The following FOXP1 variants were observed in gnomAD, a reference collection of about 807,000 sequenced individuals.
The protein encoded by FOXP1 is forkhead box protein P1.
FOXP1 carries 15 observed loss-of-function variants against 98.2 expected under a neutral mutation model. The observed-to-expected ratio is 0.15, with a 90% CI of 0.10 to 0.24. The LOEUF (loss-of-function observed/expected upper bound fraction) is 0.24, where lower values mean the gene tolerates loss of function less well. Ranked by LOEUF, FOXP1 falls within the 10% of genes least tolerant of loss-of-function variation. The probability of loss-of-function intolerance (pLI) is 1.00; values close to 1 mark genes in which losing one functional copy is unlikely to be tolerated. For synonymous variants in FOXP1, 371 were observed against 314.5 expected (o/e 1.18, Z -1.90); for missense variants, 633 against 848.5 (o/e 0.75, Z 3.15).
At chr3:71,032,645 G>A (rs9822461) in intron 11 of FOXP1, among the ~76,000 whole-genome samples, 37,708 of 152,110 alleles carry the variant, frequency 0.25, 11,213 homozygotes, top group African/African-American at 0.72. Flanking sequence ...TAGCTCCCTC[G>A]GAAAGACCTA....
intron 14 of FOXP1, among the ~76,000 whole-genome samples, chr3:70,987,237 C>T (rs556390539): frequency 2.2e-4 from 33 of 152,216 alleles, no homozygotes; most frequent in African/African-American, 3.6e-4. Flanking sequence ...GGAATATGAC[C>T]GTTAAAGAGA....
In FOXP1 at chr3:71,377,361, G is replaced by C. The variant is rs192570785; in HGVS notation, c.-167-18117C>G. On this transcript the variant is annotated intron_variant, in intron 3 of 20. Transcript: ENST00000649528. ...CTTGGAAATATTTTTTATTTAATCA[G>C]GTATATAAATATCATGTAAAGGAAA... 1.2e-3 allele frequency among the ~76,000 whole-genome samples: 177 copies of C among 152,102 alleles called. 2 individuals are homozygous for C. The highest frequency in any genetic ancestry group is 4.6e-3 in the Admixed American group (71 of 15,272).
intron 6 of FOXP1, among the ~76,000 whole-genome samples, chr3:71,124,141 T>TA (rs1435877279): frequency 1.8e-4 from 21 of 114,674 alleles, no homozygotes; most frequent in African/African-American, 4.9e-4. Flanking sequence ...TTATATTTTT[T>TA]TAAAAAAAAA....
intron 5 of FOXP1, among the ~76,000 whole-genome samples, chr3:71,237,092 C>T (rs1897498): frequency 2.7e-5 from 4 of 149,834 alleles, no homozygotes; most frequent in Non-Finnish European, 5.9e-5. Flanking sequence ...ATTAGCCAGG[C>T]GTGGTGGTGC....
chr3:71,200,781 A>G (rs543732451), intron 5 of FOXP1, among the ~76,000 whole-genome samples: 39 of 152,350 alleles, frequency 2.6e-4, no homozygotes, highest in South Asian at 8.3e-4. Context: ...GGAAATTTCA[A>G]TCTTTGGGTA....
chr3:71,380,943 A>G (rs2080111180), intron 3 of FOXP1, among the ~76,000 whole-genome samples: 1 of 152,174 alleles, frequency 6.6e-6, no homozygotes, highest in Non-Finnish European at 1.5e-5. Context: ...ACATGCTAGT[A>G]AAACGTAAAA....
At chr3:71,581,362 G>A (rs1257037636) in intron 2 of FOXP1, 187 bp downstream of exon 2, 1 of 985,342 alleles carries the variant, frequency 1.0e-6, no homozygotes, top group African/African-American at 1.7e-5. Flanking sequence ...GGGGAAAAGG[G>A]TGGAGGGGAG....
intron 9 of FOXP1, among the ~76,000 whole-genome samples, chr3:71,051,398 A>G (rs2049871536): frequency 6.6e-6 from 1 of 152,158 alleles, no homozygotes; most frequent in South Asian, 2.1e-4. Flanking sequence ...AGGACATGGA[A>G]AACGTCCCCA....
chr3:71,500,942 A>G (rs1577872601), intron 2 of FOXP1, among the ~76,000 whole-genome samples: 1 of 152,200 alleles, frequency 6.6e-6, no homozygotes, highest in East Asian at 1.9e-4. Context: ...CGTTAATTTC[A>G]GCACTTTGGG....
intron 5 of FOXP1, among the ~76,000 whole-genome samples, chr3:71,235,762 T>C (rs2066716816): frequency 6.6e-6 from 1 of 152,090 alleles, no homozygotes. Context: ...GAGATGGGGT[T>C]TCACCGTGTT....
chr3:71,025,609 G>T lies in FOXP1; in HGVS notation c.870-9956C>A, dbSNP rs117763213. Among the ~76,000 whole-genome samples the T allele has an allele frequency of 2.0e-5, 3 of 152,272 alleles. No individual in the cohort carries two copies. The East Asian group carries it at 5.8e-4, about 29-fold the overall frequency. On this transcript the variant is annotated intron_variant, in intron 11 of 20. Transcript: ENST00000649528. ...AAAATTATTTAAAAATTAATGCAAG[G>T]CTGTATTTCTTTTTTGTTTTTTAAA...
At chr3:71,126,255 C>T (rs566010901) in intron 6 of FOXP1, among the ~76,000 whole-genome samples, 133 of 151,856 alleles carry the variant, frequency 8.8e-4, no homozygotes, top group African/African-American at 2.9e-3. Flanking sequence ...GAGGCCAAGG[C>T]GGGCGGATCA....
chr3:71,432,868 T>TAA (rs1047638258), intron 3 of FOXP1, among the ~76,000 whole-genome samples: 1 of 139,040 alleles, frequency 7.2e-6, no homozygotes. Context: ...AAAAAAAAAT[T>TAA]AAAAAAAAAA....
intron 16 of FOXP1, among the ~76,000 whole-genome samples, chr3:70,977,371 G>T (rs769276740): frequency 7.9e-5 from 12 of 152,112 alleles, no homozygotes; most frequent in Non-Finnish European, 1.6e-4. Context: ...TAATTCTAGG[G>T]ATCAGAGATT....
intron 4 of FOXP1, among the ~76,000 whole-genome samples, chr3:71,342,202 T>C (rs199942408): frequency 1.3e-5 from 2 of 152,236 alleles, no homozygotes; most frequent in East Asian, 3.8e-4. Flanking sequence ...TTACAAATCA[T>C]TTCATAAATC....
intron 6 of FOXP1, among the ~76,000 whole-genome samples, chr3:71,169,228 C>G (rs2061529443): frequency 6.6e-6 from 1 of 152,188 alleles, no homozygotes; most frequent in Non-Finnish European, 1.5e-5. Context: ...CTTGCTAACA[C>G]AATTCCTGTG....
At chr3:71,191,774 C>T (rs1302081794) in intron 6 of FOXP1, among the ~76,000 whole-genome samples, 1 of 152,128 alleles carries the variant, frequency 6.6e-6, no homozygotes, top group Non-Finnish European at 1.5e-5. Flanking sequence ...AGTGTTGTGG[C>T]TGCTTTTTCT....
chr3:71,014,819 G>A (rs184207387), intron 12 of FOXP1, among the ~76,000 whole-genome samples: 20,021 of 152,032 alleles, frequency 0.13, 2,168 homozygotes, highest in African/African-American at 0.3. Flanking sequence ...CCATAAAAAA[G>A]GATGAGTTCA....
chr3:71,088,105 G>T (rs2055339168), intron 7 of FOXP1, among the ~76,000 whole-genome samples: 1 of 152,230 alleles, frequency 6.6e-6, no homozygotes, highest in South Asian at 2.1e-4. Context: ...GAACCAAGAT[G>T]CTGGGGAATA....
Sources: allele counts gnomAD v4.1 joint callset (sites outside exome capture counted in the v4.1 genomes callset), GRCh38; gene constraint gnomAD v4.1.1; transcripts MANE v1.5; gene names NCBI Gene and HGNC (gene_info 2026-07-23, HGNC 2026-07-21).